ZXDC: variants seen among roughly 807,000 people sequenced by gnomAD.
The protein encoded by ZXDC is ZXD family zinc finger C, also known as zinc finger protein ZXDC.
ZXDC carries 58 observed loss-of-function variants against 63.6 expected under a neutral mutation model. The ratio of observed to expected loss-of-function variants is 0.91; its 90% confidence interval spans 0.74 to 1.13. The LOEUF is 1.13. Ranked by LOEUF, ZXDC falls within the 50% of genes most tolerant of loss-of-function variation. The pLI is 0.00. For synonymous variants in ZXDC, 561 were observed against 496.1 expected, an observed-to-expected ratio of 1.13 and a Z score of -1.74; for missense variants, 1,133 against 1,148.9, an observed-to-expected ratio of 0.99 and a Z score of 0.20.
chr3:126,465,515 A>C (rs1329452790), intron 5 of ZXDC, among the ~76,000 whole-genome samples: 2 of 152,210 alleles, frequency 1.3e-5, no homozygotes, highest in Non-Finnish European at 2.9e-5. Flanking sequence ...TTACTTGGAG[A>C]TAGAATAGCT....
intron 7 of ZXDC, among the ~76,000 whole-genome samples, chr3:126,443,655 C>G (rs1170705971): frequency 6.6e-6 from 1 of 152,086 alleles, no homozygotes; most frequent in Non-Finnish European, 1.5e-5. Context: ...GTGCCTATAT[C>G]CTCCGTGAGC....
chr3:126,458,503 G>C, intron 7 of ZXDC: 1 of 816,328 alleles, frequency 1.2e-6, no homozygotes, highest in Non-Finnish European at 1.5e-6. Context: ...CTCCCAAAGT[G>C]CTGGGATTAC....
At position 126,458,528 on chromosome 3, in the gene ZXDC, G is replaced by A. The variant is rs113098065; in HGVS notation, c.2212+1125C>T. ...GCTGGGATTACAGGTATGAGCCACC[G>A]CACCTGGCCAATGTCCTTACTTTTT... On this transcript the variant is annotated intron_variant, in intron 7 of 9. Transcript: ENST00000389709. 9.0e-3 allele frequency: 8,553 copies of A among 952,608 alleles called. 39 individuals carry two copies. Among genetic ancestry groups the A allele is most frequent in the Middle Eastern group, 0.014 (26 of 1,836 alleles). The allele number at this position is 952,608 out of a possible 1,614,324, so 59.0% of individuals were successfully genotyped here.
intron 7 of ZXDC, chr3:126,457,562 T>C: frequency 1.0e-6 from 1 of 985,332 alleles, no homozygotes; most frequent in South Asian, 4.7e-5. Context: ...CTTAGAAGTG[T>C]ATGAAGTATT....
At chr3:126,439,560 A>T in intron 9 of ZXDC, 72 bp downstream of exon 9, 5 of 1,550,196 alleles carry the variant, frequency 3.2e-6, no homozygotes, top group South Asian at 2.4e-5. Context: ...GCAGCTGTGA[A>T]GCCAGGCTTC....
chr3:126,461,786 C>G lies in ZXDC; in HGVS notation c.1876G>C (p.Ala626Pro). The part of the protein sequence containing the change: ...PMKNLSDDPL[A>P]LTSNSNLAAH... The stretch of plus-strand genomic sequence containing the variant: ...GCTAAGTTACTATTGGAGGTCAAAG[C>G]CAGTGGGTCGTCACTCAAGTTCTTC... Residue 626 changes from alanine to proline, a missense_variant, in exon 6 of 10, where the codon GCT (alanine) becomes CCT (proline). Ala to Pro is a conservative substitution (Grantham distance 27, BLOSUM62 -1). Coordinates refer to ENST00000389709, the MANE Select transcript of ZXDC (RefSeq NM_025112.5). 1 of 1,614,076 alleles carries G rather than the reference C, an allele frequency of 6.2e-7. No homozygotes were observed. The highest frequency in any genetic ancestry group is 8.5e-7 in the Non-Finnish European group (1 of 1,180,002).
At chr3:126,442,033 A>T in intron 7 of ZXDC, 87 bp from the exon 8 acceptor site, 1 of 1,369,490 alleles carries the variant, frequency 7.3e-7, no homozygotes, top group Non-Finnish European at 9.5e-7. Flanking sequence ...TGGGGAAGAC[A>T]GCCTTCCCAT....
rs61736555 is a variant in ZXDC at position 126,462,007 on chromosome 3, T to C, written c.1655A>G (p.Asn552Ser). The stretch of plus-strand genomic sequence containing the variant: ...TAGGGAGCTATTATTAGCAGGGAGG[T>C]TCCCTCCCAGAGAGGAGCTCACAGA... Reference protein sequence around the residue: ...VTSVSSSLGGNLPANNSSLGP... With the variant: ...VTSVSSSLGGSLPANNSSLGP... Residue 552 changes from asparagine (N) to serine (S), a missense_variant, in exon 6 of 10, where the codon AAC becomes AGC. Transcript: ENST00000389709. The C allele has an allele frequency of 1.1e-3, 1,804 of 1,613,540 alleles. 14 individuals are homozygous for C. The African/African-American group carries it at 0.021, about 19-fold the overall frequency.
rs1934845689 is a variant in ZXDC, at chr3:126,468,128, C to T, written c.1271-1803G>A. Among the ~76,000 whole-genome samples the T allele has an allele frequency of 2.0e-5, 3 of 152,146 alleles. No homozygotes were observed. The South Asian group carries it at 6.2e-4, about 32-fold the overall frequency. On this transcript the variant is annotated intron_variant, in intron 4 of 9. Coordinates refer to ENST00000389709, the MANE Select transcript of ZXDC (RefSeq NM_025112.5). The stretch of plus-strand genomic sequence containing the variant: ...GAGAGGCAGAAGCAGCCATCACTGA[C>T]AGACCTGTCTGCAAAGCTGCATTCA...
At chr3:126,459,224 A>G (rs996074040) in intron 7 of ZXDC, 13 of 985,426 alleles carry the variant, frequency 1.3e-5, no homozygotes, top group Non-Finnish European at 1.6e-5. Context: ...AACTCTGACA[A>G]TGCCACAGGA....
At chr3:126,450,188 A>G (rs1434192471) in intron 7 of ZXDC, 2 of 382,610 alleles carry the variant, frequency 5.2e-6, no homozygotes, top group Non-Finnish European at 1.0e-5. Context: ...GCCCCTCCAC[A>G]GCTGCTCACA....
Position 126,475,111 on chromosome 3 carries a change from A to T in ZXDC, c.755T>A (p.Val252Asp). Residue 252 changes from valine (V) to aspartate (D), a missense_variant, in exon 1 of 10, where the codon GTC (valine) becomes GAC (aspartate). Coordinates refer to ENST00000389709, the MANE Select transcript of ZXDC (RefSeq NM_025112.5). ...CTTCATGTGCGCCTTGAGGTTATAGACCGTAGTGAACTTCTTGCCACAGCC... is the reference window on the plus strand; with the variant it reads ...CTTCATGTGCGCCTTGAGGTTATAGTCCGTAGTGAACTTCTTGCCACAGCC... The part of the protein sequence containing the change: ...VGGCGKKFTT[V>D]YNLKAHMKGH... 1.2e-6 allele frequency: 2 copies of T among 1,610,666 alleles called. No homozygotes were observed. Among genetic ancestry groups the T allele is most frequent in the Non-Finnish European group, 1.7e-6 (2 of 1,178,506 alleles).
intron 8 of ZXDC, chr3:126,440,931 C>T: frequency 1.0e-6 from 1 of 985,726 alleles, no homozygotes. Flanking sequence ...CAACTCAGAG[C>T]CAGCGTCACC....
intron 7 of ZXDC, among the ~76,000 whole-genome samples, chr3:126,456,963 ACC>A (rs1320163408): frequency 6.6e-6 from 1 of 152,122 alleles, no homozygotes; most frequent in Non-Finnish European, 1.5e-5. Context: ...GTCTCCAGCA[ACC>A]CAGCCCGGGT....
intron 7 of ZXDC, chr3:126,457,585 T>G: frequency 2.0e-6 from 2 of 985,260 alleles, no homozygotes; most frequent in Non-Finnish European, 2.4e-6. Context: ...AACCAATGAG[T>G]GCATTAAAAT....
intron 4 of ZXDC, 97 bp from the exon 5 acceptor site, chr3:126,466,422 A>AT (rs3830336): frequency 0.45 from 619,919 of 1,370,794 alleles, 147,710 homozygotes; most frequent in Non-Finnish European, 0.48. Context: ...CCAGACCTGC[A>AT]TTTTGCACCC....
At chr3:126,464,509 A>G (rs1349429559) in intron 5 of ZXDC, among the ~76,000 whole-genome samples, 1 of 152,218 alleles carries the variant, frequency 6.6e-6, no homozygotes, top group Non-Finnish European at 1.5e-5. Flanking sequence ...TACCCCTGAC[A>G]GCTGGCAGGG....
chr3:126,450,820 A>AGT (rs1934072864), intron 7 of ZXDC, among the ~76,000 whole-genome samples: 1 of 152,214 alleles, frequency 6.6e-6, no homozygotes, highest in Non-Finnish European at 1.5e-5. Flanking sequence ...GGAACACTCC[A>AGT]GTGTGTGTGT....
intron 1 of ZXDC, 27 bp downstream of exon 1, chr3:126,474,932 C>G: frequency 6.5e-7 from 1 of 1,538,694 alleles, no homozygotes; most frequent in Non-Finnish European, 8.8e-7. Flanking sequence ...CACCGCGCAG[C>G]CCGCCCGCCC....
Sources: allele counts gnomAD v4.1 joint callset (sites outside exome capture counted in the v4.1 genomes callset), GRCh38; gene constraint gnomAD v4.1.1; transcripts MANE v1.5; gene names NCBI Gene and HGNC (gene_info 2026-07-23, HGNC 2026-07-21).